ZNF521: variants seen among roughly 807,000 people sequenced by gnomAD.
ZNF521 encodes LYST-interacting protein 3.
A neutral mutation model predicts 105.5 loss-of-function variants in ZNF521; 14 were observed. The ratio of observed to expected loss-of-function variants is 0.13; its 90% CI spans 0.09 to 0.21. The LOEUF is 0.21. Among genes scored for constraint, ZNF521 ranks in the 10% least tolerant of loss-of-function variants. The pLI, the probability that ZNF521 is intolerant of heterozygous loss-of-function variation, is 1.00. For synonymous variants in ZNF521, 635 were observed against 606.0 expected (o/e 1.05, Z -0.70); for missense variants, 1,233 against 1,629.7 (o/e 0.76, Z 4.19).
chr18:25,119,646 A>G (rs1456616194), intron 5 of ZNF521, among the ~76,000 whole-genome samples: 2 of 152,150 alleles, frequency 1.3e-5, no homozygotes, highest in African/African-American at 4.8e-5. Context: ...TGAAAATTTA[A>G]TATTTTAAAA....
chr18:25,307,742 C>G (rs973752492), intron 3 of ZNF521, among the ~76,000 whole-genome samples: 5 of 152,166 alleles, frequency 3.3e-5, no homozygotes, highest in African/African-American at 1.2e-4. Flanking sequence ...CTGCAGCTCC[C>G]ATATTGATGT....
Position 25,322,136 on chromosome 18 carries a change from C to T in ZNF521, c.92G>A (p.Cys31Tyr), listed in dbSNP as rs373722216. 2.2e-5 allele frequency: 35 copies of T among 1,614,076 alleles called. No homozygotes were observed. In the African/African-American group the frequency reaches 4.1e-4, roughly 19 times the overall value. Residue 31 changes from cysteine to tyrosine, a missense_variant, in exon 3 of 8, where the codon TGT becomes TAT. Cys to Tyr is a radical substitution (Grantham distance 194). Transcript: ENST00000361524. ...CTCCCCGTCTTCCGGCCTCTTCTTA[C>T]AATCTAGTGCCTCTCCATCTTCAGT... Reference protein sequence around the residue: ...DKTEDGEALDCKKRPEDGEEL... With the variant: ...DKTEDGEALDYKKRPEDGEEL...
rs375636702 is a variant in ZNF521 at position 25,117,722 on chromosome 18, TAACTC to T, written c.3659-25646_3659-25642del. ...GAATGTGAAAATAGACTAATAGAAA[TAACTC>T]AAGAGAAATGAACAGAGCCTCAATA... On this transcript the variant is annotated intron_variant, in intron 5 of 7. Coordinates refer to ENST00000361524, the MANE Select transcript of ZNF521 (RefSeq NM_015461.3). Among the ~76,000 whole-genome samples, 50 of 151,844 alleles carry T rather than the reference TAACTC, an allele frequency of 3.3e-4. No individual in the cohort carries two copies. The East Asian group carries it at 3.9e-3, about 12-fold the overall frequency.
intron 7 of ZNF521, among the ~76,000 whole-genome samples, chr18:25,063,575 G>T (rs2032968477): frequency 6.6e-6 from 1 of 152,210 alleles, no homozygotes; most frequent in Non-Finnish European, 1.5e-5. Flanking sequence ...GGCCCTGAGG[G>T]TGGACGCCGG....
At chr18:25,072,680 C>T (rs927810991) in intron 7 of ZNF521, among the ~76,000 whole-genome samples, 2 of 152,152 alleles carry the variant, frequency 1.3e-5, no homozygotes, top group African/African-American at 4.8e-5. Flanking sequence ...AAATTTAAAT[C>T]AAACTATATA....
At chr18:25,254,272 A>G (rs1908322441) in intron 3 of ZNF521, among the ~76,000 whole-genome samples, 1 of 152,130 alleles carries the variant, frequency 6.6e-6, no homozygotes, top group African/African-American at 2.4e-5. Flanking sequence ...ATTCACTGGT[A>G]TATACTTATT....
At chr18:25,110,274 G>A (rs1453403130) in intron 5 of ZNF521, among the ~76,000 whole-genome samples, 2 of 152,210 alleles carry the variant, frequency 1.3e-5, no homozygotes, top group Non-Finnish European at 2.9e-5. Flanking sequence ...CACCGAGTCC[G>A]CTCAGCAGAA....
chr18:25,261,227 T>G (rs982960329), intron 3 of ZNF521, among the ~76,000 whole-genome samples: 3 of 152,120 alleles, frequency 2.0e-5, no homozygotes, highest in Admixed American at 1.3e-4. Context: ...GTTAATACAT[T>G]TTAGACCTAA....
rs542268177 is a variant in ZNF521, at chr18:25,337,816, G to A, written c.40+13091C>T. 5.9e-5 allele frequency among the ~76,000 whole-genome samples: 9 copies of A among 151,380 alleles called. No individual in the cohort carries two copies. In the East Asian group the frequency reaches 1.7e-3, roughly 29 times the overall value. ...CAGCAAGAATGTATGCATGCTTCCT[G>A]CAACACAGATAAGTAACTAAAAAGA... On this transcript the variant is annotated intron_variant, in intron 2 of 7. Transcript: ENST00000361524.
chr18:25,157,552 T>C (rs962723709), intron 5 of ZNF521, among the ~76,000 whole-genome samples: 2 of 152,140 alleles, frequency 1.3e-5, no homozygotes, highest in Non-Finnish European at 2.9e-5. Flanking sequence ...GTGTAGACCG[T>C]GCAAAACGTC....
In ZNF521 at chr18:25,225,252, T is replaced by C; in HGVS notation, c.2666A>G (p.Asp889Gly). The part of the protein sequence containing the change: ...VDTSEPMYGC[D>G]ICGAAYTMET... ...CATAGTGTAGGCTGCCCCACAAATG[T>C]CGCAGCCGTACATAGGCTCAGAGGT... Residue 889 changes from aspartate (D) to glycine (G), a missense_variant, in exon 4 of 8, where the codon GAC becomes GGC. Physicochemically the swap from Asp to Gly is moderately conservative, Grantham distance 94. This residue lies in a region of ZNF521 where 614 missense variants were observed against 751.5 expected (regional missense o/e 0.82). Transcript: ENST00000361524. The surrounding 1 kb of genome is among the most constrained non-coding windows in gnomAD (Gnocchi z 5.6). The C allele has an allele frequency of 6.2e-7, 1 of 1,614,148 alleles. No individual in the cohort carries two copies. Among genetic ancestry groups the C allele is most frequent in the Non-Finnish European group, 8.5e-7 (1 of 1,180,026 alleles).
intron 3 of ZNF521, among the ~76,000 whole-genome samples, chr18:25,236,785 T>C (rs1335089647): frequency 2.0e-5 from 3 of 152,170 alleles, no homozygotes; most frequent in African/African-American, 7.2e-5. Context: ...TGAGATAATG[T>C]TTATAAAAGT....
chr18:25,345,360 A>G (rs1914415870), intron 2 of ZNF521: 1 of 152,240 alleles, frequency 6.6e-6, no homozygotes, highest in Non-Finnish European at 1.5e-5. Context: ...GGCAAAACAA[A>G]AAAGAAAAAT....
chr18:25,235,659 AAC>A (rs1180936122), intron 3 of ZNF521, among the ~76,000 whole-genome samples: 2 of 152,244 alleles, frequency 1.3e-5, no homozygotes, highest in Non-Finnish European at 2.9e-5. Flanking sequence ...CAGGAATTAT[AAC>A]AGTCCTGAAA....
intron 7 of ZNF521, among the ~76,000 whole-genome samples, chr18:25,065,762 A>C (rs2033042475): frequency 6.6e-6 from 1 of 152,142 alleles, no homozygotes; most frequent in African/African-American, 2.4e-5. Flanking sequence ...TGGTGTTTTT[A>C]TATGTGCTCA....
intron 3 of ZNF521, among the ~76,000 whole-genome samples, chr18:25,289,468 T>C (rs1339855302): frequency 6.6e-6 from 1 of 152,190 alleles, no homozygotes; most frequent in Non-Finnish European, 1.5e-5. Context: ...GGCTCTGTTT[T>C]TATTGCATGC....
At chr18:25,139,017 A>G (rs1170184605) in intron 5 of ZNF521, among the ~76,000 whole-genome samples, 2 of 152,202 alleles carry the variant, frequency 1.3e-5, no homozygotes, top group Non-Finnish European at 2.9e-5. Context: ...TATATCAAGA[A>G]GAATCTATAT....
chr18:25,169,117 G>C (rs1165217852), intron 5 of ZNF521, among the ~76,000 whole-genome samples: 1 of 152,042 alleles, frequency 6.6e-6, no homozygotes, highest in African/African-American at 2.4e-5. Context: ...AGGTGGTTTG[G>C]CTTTCCCTTT....
chr18:25,342,495 C>T (rs949835282), intron 2 of ZNF521, among the ~76,000 whole-genome samples: 2 of 148,898 alleles, frequency 1.3e-5, no homozygotes, highest in East Asian at 4.0e-4. Context: ...GTGGAGCCAT[C>T]TTGGCTCACT....
Sources: gnomAD v4.1 joint callset for allele counts (sites outside exome capture counted in the v4.1 genomes callset) on GRCh38, gnomAD v4.1.1 for gene constraint, gnomAD v4.1.1 regional missense constraint, Gnocchi (gnomAD v3.1) non-coding constraint, MANE v1.5 for transcripts, NCBI Gene and HGNC (gene_info 2026-07-23, HGNC 2026-07-21) for gene names.